NOC3L: variants seen among roughly 807,000 people sequenced by gnomAD.
NOC3L encodes NOC3 like DNA replication regulator.
Under a neutral mutation model 102.5 loss-of-function variants are expected in NOC3L, and 85 were observed. The observed-to-expected ratio is 0.83, with a 90% CI of 0.70 to 0.99. NOC3L has a LOEUF of 0.99. Among genes scored for constraint, NOC3L ranks in the 50% least tolerant of loss-of-function variants. The pLI is 0.00. For synonymous variants in NOC3L, 303 were observed against 309.4 expected (o/e 0.98, Z 0.22); for missense variants, 878 against 914.9 (o/e 0.96, Z 0.52).
At chr10:94,354,379 G>A (rs963188779) in intron 6 of NOC3L, among the ~76,000 whole-genome samples, 1 of 152,116 alleles carries the variant, frequency 6.6e-6, no homozygotes, top group Non-Finnish European at 1.5e-5. Context: ...TTTTAGAGAT[G>A]AAAGAGTCTT....
At chr10:94,318,532 G>A in the NOC3L span, among the ~76,000 whole-genome samples, 1 of 152,140 alleles carries the variant, frequency 6.6e-6, no homozygotes, top group African/African-American at 2.4e-5. Context: ...AGGGTTAGAA[G>A]TAGAAAGAAC....
At chr10:94,360,527 T>C (rs1176912035) in intron 2 of NOC3L, among the ~76,000 whole-genome samples, 1 of 152,026 alleles carries the variant, frequency 6.6e-6, no homozygotes, top group East Asian at 1.9e-4. Flanking sequence ...ACTGAACTCA[T>C]GAAGAGAGTA....
chr10:94,336,413 T>C (rs1291976279), intron 19 of NOC3L, among the ~76,000 whole-genome samples: 2 of 151,816 alleles, frequency 1.3e-5, no homozygotes, highest in East Asian at 3.9e-4. Flanking sequence ...AATGGCGAGA[T>C]CTCGACTCAC....
chr10:94,355,029 T>C lies in NOC3L; in HGVS notation c.630A>G (p.Lys210=), dbSNP rs2054467096. The C allele has an allele frequency of 1.2e-6, 2 of 1,613,008 alleles. No homozygotes were observed. The highest frequency in any genetic ancestry group is 1.7e-6 in the Non-Finnish European group (2 of 1,179,580). The change falls in exon 6 of 21, where the codon AAA becomes AAG. Residue 210 remains lysine (K), a synonymous_variant. Coordinates refer to ENST00000371361, the MANE Select transcript of NOC3L (RefSeq NM_022451.11). ...IEEHLIERKK[K]LQEKKMHIAA... Reference sequence around the variant, plus strand: ...CAATATGCATCTTCTTCTCCTGTAATTTCTTCTTTCTCTCAATCAAATGTT... The same window carrying C: ...CAATATGCATCTTCTTCTCCTGTAACTTCTTCTTTCTCTCAATCAAATGTT...
At chr10:94,318,772 CACA>C in the NOC3L span, among the ~76,000 whole-genome samples, 3 of 152,200 alleles carry the variant, frequency 2.0e-5, no homozygotes, top group Non-Finnish European at 4.4e-5. Flanking sequence ...AAATGTATAC[CACA>C]ACAAGCTGGG....
At chr10:94,354,449 C>T (rs1434293738) in intron 6 of NOC3L, among the ~76,000 whole-genome samples, 1 of 151,040 alleles carries the variant, frequency 6.6e-6, no homozygotes, top group African/African-American at 2.4e-5. Context: ...GATTAAACCT[C>T]AGATTTCTCT....
At chr10:94,349,961 TG>T in intron 9 of NOC3L, 151 bp downstream of exon 9, 1 of 607,038 alleles carries the variant, frequency 1.6e-6, no homozygotes, top group Non-Finnish European at 2.9e-6. Context: ...GGTTTCACCA[TG>T]TTAGCTGGGG....
chr10:94,319,362 A>G, the NOC3L span, among the ~76,000 whole-genome samples: 29 of 152,352 alleles, frequency 1.9e-4, no homozygotes, highest in Middle Eastern at 3.4e-3. Context: ...GTAAGAGGGC[A>G]CTACTAGAGG....
At chr10:94,361,926 G>T (rs1342945402) in intron 1 of NOC3L, 54 bp from the exon 2 acceptor site, 1 of 1,308,986 alleles carries the variant, frequency 7.6e-7, no homozygotes, top group East Asian at 2.4e-5. Context: ...TTTTAAATCA[G>T]GTTAAAGAGA....
the NOC3L span, chr10:94,316,718 G>A: frequency 6.2e-7 from 1 of 1,613,990 alleles, no homozygotes; most frequent in South Asian, 1.1e-5. Flanking sequence ...TCCAGAAGAG[G>A]GATACATGGG....
At chr10:94,359,796 T>C (rs1487848191) in intron 2 of NOC3L, among the ~76,000 whole-genome samples, 1 of 152,182 alleles carries the variant, frequency 6.6e-6, no homozygotes, top group Admixed American at 6.5e-5. Context: ...GGTGGGAATG[T>C]AAATTAGCAC....
the NOC3L span, chr10:94,328,224 A>G: frequency 3.5e-6 from 1 of 289,280 alleles, no homozygotes; most frequent in South Asian, 3.6e-5. Context: ...AGCAAGGGTC[A>G]GCAAGCTTGT....
chr10:94,362,076 C>T, intron 1 of NOC3L: 1 of 619,684 alleles, frequency 1.6e-6, no homozygotes, highest in Admixed American at 2.5e-5. Flanking sequence ...TCCCAATTCA[C>T]AGCAATTCAA....
At chr10:94,321,132 C>G in the NOC3L span, among the ~76,000 whole-genome samples, 1 of 152,170 alleles carries the variant, frequency 6.6e-6, no homozygotes, top group Non-Finnish European at 1.5e-5. Flanking sequence ...ATTCATTCAG[C>G]CTTGTCACTG....
the NOC3L span, among the ~76,000 whole-genome samples, chr10:94,324,038 CTT>C: frequency 6.6e-6 from 1 of 152,130 alleles, no homozygotes; most frequent in Non-Finnish European, 1.5e-5. Context: ...TGGTTCAGAC[CTT>C]TATTGTTACT....
the NOC3L span, chr10:94,315,152 G>T: frequency 3.3e-6 from 1 of 298,894 alleles, no homozygotes; most frequent in Non-Finnish European, 6.6e-6. Context: ...ATTTGCCTTG[G>T]CCCCCTTTTG....
downstream of NOC3L, chr10:94,328,778 GTTTT>G (rs909838936): frequency 6.6e-6 from 1 of 151,694 alleles, no homozygotes; most frequent in African/African-American, 2.4e-5. Context: ...ATAATATTGG[GTTTT>G]TTTTAAGGTT....
intron 6 of NOC3L, among the ~76,000 whole-genome samples, chr10:94,354,521 C>T (rs1459828288): frequency 6.6e-6 from 1 of 152,194 alleles, no homozygotes; most frequent in African/African-American, 2.4e-5. Flanking sequence ...TAACACTTTA[C>T]TTTAACTTTG....
chr10:94,341,549 A>T (rs1186253627), intron 14 of NOC3L, 124 bp downstream of exon 14: 1 of 447,010 alleles, frequency 2.2e-6, no homozygotes, highest in African/African-American at 2.1e-5. Flanking sequence ...CTTTGTCAAA[A>T]TTCATAAACT....
Sources: allele counts gnomAD v4.1 joint callset (sites outside exome capture counted in the v4.1 genomes callset), GRCh38; gene constraint gnomAD v4.1.1; transcripts MANE v1.5; gene names NCBI Gene and HGNC (gene_info 2026-07-23, HGNC 2026-07-21).